BRD7: variants seen among roughly 807,000 people sequenced by gnomAD.
BRD7 encodes the protein bromodomain containing 7, also known as bromodomain-containing protein 7.
Under a neutral mutation model 82.1 loss-of-function variants are expected in BRD7, and 15 were observed. The ratio of observed to expected loss-of-function variants is 0.18; its 90% confidence interval spans 0.12 to 0.28. The LOEUF is 0.28. Ranked by LOEUF, BRD7 falls within the 10% of genes least tolerant of loss-of-function variation. BRD7 has a pLI of 1.00. For synonymous variants in BRD7, 232 were observed against 266.9 expected (o/e 0.87, Z 1.27); for missense variants, 638 against 779.9 (o/e 0.82, Z 2.17).
intron 15 of BRD7, 33 bp downstream of exon 15, chr16:50,320,215 C>G (rs776578792): frequency 6.3e-7 from 1 of 1,593,248 alleles, no homozygotes; most frequent in Non-Finnish European, 8.5e-7. Flanking sequence ...TGAAGCATCC[C>G]GTGACTCTCC....
intron 5 of BRD7, among the ~76,000 whole-genome samples, chr16:50,342,679 CG>C (rs973481747): frequency 6.6e-5 from 10 of 151,938 alleles, no homozygotes; most frequent in African/African-American, 2.4e-4. Context: ...CCTCGGCCTC[CG>C]GAAGTGCTGG....
intron 14 of BRD7, 113 bp from the exon 15 acceptor site, chr16:50,320,504 C>A: frequency 1.3e-6 from 2 of 1,497,520 alleles, no homozygotes; most frequent in Non-Finnish European, 1.8e-6. Context: ...AAAGAGTAAT[C>A]CGCTTGAAAT....
rs920661451 is a variant in BRD7, at chr16:50,317,154, A to G, written c.*2057T>C. On this transcript the variant is annotated 3_prime_UTR_variant, in exon 17 of 17. Transcript: ENST00000394688. ...AGGGCAGGTGTATTCTAATTTGCAC[A>G]AAGGTGCTGGGTAGACTAGTGGCAG... 6.5e-6 allele frequency: 1 copy of G among 152,812 alleles called. No individual in the cohort carries two copies. The allele number at this position is 152,812 out of a possible 1,614,324, so 9.5% of individuals were successfully genotyped here. A position where few individuals can be genotyped will look rare whatever the true frequency, so the allele number is the denominator to read the frequency against.
chr16:50,360,919 G>C (rs1352398309), intron 2 of BRD7, among the ~76,000 whole-genome samples: 1 of 152,212 alleles, frequency 6.6e-6, no homozygotes, highest in Non-Finnish European at 1.5e-5. Flanking sequence ...AGGGTTTTCT[G>C]CCAAGGCAGA....
intron 5 of BRD7, among the ~76,000 whole-genome samples, chr16:50,344,495 T>C (rs139555713): frequency 1.2e-3 from 181 of 152,258 alleles, no homozygotes; most frequent in African/African-American, 2.7e-3. Context: ...TTTGAACCCA[T>C]TGCAAAGAAG....
chr16:50,325,631 A>T (rs2037303597), intron 11 of BRD7, 117 bp downstream of exon 11: 1 of 974,116 alleles, frequency 1.0e-6, no homozygotes, highest in Admixed American at 3.4e-5. Flanking sequence ...CTTAAAAAAA[A>T]ATTACTGAGC....
chr16:50,322,326 G>T (rs1010091615), intron 12 of BRD7, among the ~76,000 whole-genome samples: 1 of 152,158 alleles, frequency 6.6e-6, no homozygotes, highest in Non-Finnish European at 1.5e-5. Context: ...TAAATAAATG[G>T]TATCTGTTTT....
chr16:50,323,962 C>T (rs902959846), intron 11 of BRD7, among the ~76,000 whole-genome samples: 7 of 152,140 alleles, frequency 4.6e-5, no homozygotes, highest in African/African-American at 1.4e-4. Flanking sequence ...TTCTGCTCCC[C>T]GCCCCCTCAC....
At chr16:50,347,533 CCTT>C (rs2038339270) in intron 5 of BRD7, among the ~76,000 whole-genome samples, 1 of 152,148 alleles carries the variant, frequency 6.6e-6, no homozygotes, top group Non-Finnish European at 1.5e-5. Context: ...CCCAAAATCT[CCTT>C]AAGCTGATAA....
chr16:50,368,620 GC>G, intron 1 of BRD7, 105 bp downstream of exon 1: 1 of 1,244,480 alleles, frequency 8.0e-7, no homozygotes, highest in South Asian at 1.5e-5. Flanking sequence ...GCCTGGGCCT[GC>G]CGTGGGAAGG....
chr16:50,357,186 G>A (rs1388063909), intron 2 of BRD7, among the ~76,000 whole-genome samples: 1 of 152,216 alleles, frequency 6.6e-6, no homozygotes, highest in Non-Finnish European at 1.5e-5. Flanking sequence ...CAGGTATGGG[G>A]TAGAGACAGA....
At chr16:50,341,944 A>T (rs1404634009) in intron 5 of BRD7, among the ~76,000 whole-genome samples, 10 of 150,172 alleles carry the variant, frequency 6.7e-5, no homozygotes, top group Non-Finnish European at 8.8e-5. Context: ...ACACACACAC[A>T]CACACACACA....
intron 8 of BRD7, 105 bp downstream of exon 8, chr16:50,333,469 C>G (rs1441298340): frequency 7.1e-7 from 1 of 1,407,552 alleles, no homozygotes; most frequent in Non-Finnish European, 9.8e-7. Flanking sequence ...TGATGAAGAG[C>G]TCTATGGCAG....
chr16:50,338,368 A>G (rs934671730), intron 6 of BRD7, among the ~76,000 whole-genome samples: 2 of 152,198 alleles, frequency 1.3e-5, no homozygotes, highest in African/African-American at 4.8e-5. Context: ...AACAATCCAA[A>G]CATGTTTTTC....
At chr16:50,321,730 C>A (rs2037123069) in intron 13 of BRD7, among the ~76,000 whole-genome samples, 1 of 152,136 alleles carries the variant, frequency 6.6e-6, no homozygotes, top group Non-Finnish European at 1.5e-5. Flanking sequence ...GTATGGCTCT[C>A]CAACTCTAAC....
chr16:50,363,660 TGC>T (rs1555472868), intron 2 of BRD7, among the ~76,000 whole-genome samples: 1,576 of 102,506 alleles, frequency 0.015, 31 homozygotes, highest in African/African-American at 0.038. Context: ...TGTGTGTGTG[TGC>T]GCGCGCGCGC....
chr16:50,346,267 G>C (rs2151181112), intron 5 of BRD7, among the ~76,000 whole-genome samples: 1 of 152,278 alleles, frequency 6.6e-6, no homozygotes, highest in South Asian at 2.1e-4. Context: ...CACATTTAAA[G>C]CAGTGTGTAG....
chr16:50,349,328 T>C (rs187073858), intron 5 of BRD7: 10 of 314,842 alleles, frequency 3.2e-5, no homozygotes, highest in African/African-American at 6.8e-5. Flanking sequence ...CGCACCAACA[T>C]GGCACATGAA....
intron 5 of BRD7, chr16:50,349,108 A>G (rs1288824071): frequency 6.2e-6 from 1 of 162,350 alleles, no homozygotes; most frequent in Non-Finnish European, 1.3e-5. Context: ...CTTTGTAGGG[A>G]CATGGATGAA....
Sources: allele counts gnomAD v4.1 joint callset (sites outside exome capture counted in the v4.1 genomes callset), GRCh38; gene constraint gnomAD v4.1.1; transcripts MANE v1.5; gene names NCBI Gene and HGNC (gene_info 2026-07-23, HGNC 2026-07-21).